Variants in SLCO2B1 observed in about 807,000 individuals in gnomAD.
The protein encoded by SLCO2B1 is solute carrier organic anion transporter family member 2B1.
A neutral mutation model predicts 67.3 loss-of-function variants in SLCO2B1; 41 were observed. The ratio of observed to expected loss-of-function variants is 0.61; its 90% CI spans 0.47 to 0.79. The LOEUF (loss-of-function observed/expected upper bound fraction) is 0.79, where lower values mean the gene tolerates loss of function less well. Among genes scored for constraint, SLCO2B1 ranks in the 30% least tolerant of loss-of-function variants. The pLI is 0.00. For missense variants in SLCO2B1, 837 were observed against 920.1 expected (o/e 0.91, Z 1.17); for synonymous variants, 379 against 381.4 (o/e 0.99, Z 0.07).
rs1379086110 is a variant in SLCO2B1, at chr11:75,193,884, G to A, written c.1433+309G>A. Among the ~76,000 whole-genome samples the A allele has an allele frequency of 2.0e-5, 3 of 152,214 alleles. No individual in the cohort carries two copies. The highest frequency in any genetic ancestry group is 4.4e-5 in the Non-Finnish European group (3 of 68,032). On this transcript the variant is annotated intron_variant, in intron 9 of 13. Transcript: ENST00000289575. This position sits in a 1 kb window ranked among gnomAD's most constrained non-coding sequence, Gnocchi z 4.2. ...GGGATGGCATGTCCAGGGTGACCAA[G>A]CCCTGTGGGCCCAACAGAGATGAGC...
In SLCO2B1 at chr11:75,173,350, A is replaced by T. The variant is rs1329956323; in HGVS notation, c.972+781A>T. Among the ~76,000 whole-genome samples the T allele has an allele frequency of 7.2e-5, 11 of 152,332 alleles. No individual in the cohort carries two copies. The East Asian group carries it at 2.1e-3, about 29-fold the overall frequency. On this transcript the variant is annotated intron_variant, in intron 7 of 13. Coordinates refer to ENST00000289575, the MANE Select transcript of SLCO2B1 (RefSeq NM_007256.5). ...AGAGCAACAGAGATTCTAGGCACAG[A>T]AGCACCCTGCATGAAGGATTTGGCT...
At position 75,175,988 on chromosome 11, in the gene SLCO2B1, G is replaced by C. The variant is rs142961604; in HGVS notation, c.972+3419G>C. Among the ~76,000 whole-genome samples, 913 of 152,208 alleles carry C rather than the reference G, an allele frequency of 6.0e-3. 7 individuals carry two copies. The highest frequency in any genetic ancestry group is 0.02 in the African/African-American group (851 of 41,524). The stretch of plus-strand genomic sequence containing the variant: ...CTTTCTTGCCTTTGGCTCTGTCCCT[G>C]TATCTGCGGCCTCAGAGCTCAGGTG... On this transcript the variant is annotated intron_variant, in intron 7 of 13. Transcript: ENST00000289575.
At chr11:75,176,772 C>T (rs1395491097) in intron 7 of SLCO2B1, among the ~76,000 whole-genome samples, 2 of 152,214 alleles carry the variant, frequency 1.3e-5, no homozygotes, top group Admixed American at 1.3e-4. Context: ...TTCCCTGGGA[C>T]TTTGTGTCTC....
In SLCO2B1 at chr11:75,193,167, T is replaced by A. The variant is rs1296669237; in HGVS notation, c.1076-51T>A. The A allele has an allele frequency of 2.8e-6, 4 of 1,415,402 alleles. No individual in the cohort carries two copies. The highest frequency in any genetic ancestry group is 3.9e-6 in the Non-Finnish European group (4 of 1,025,638). The allele number at this position is 1,415,402 out of a possible 1,614,324, so 87.7% of individuals were successfully genotyped here. ...AGCAGGGCAGGAGGGCAGTCTCTGC[T>A]GGACAGCTTGGCTGCCCTGCCTGCC... On this transcript the variant is annotated intron_variant, in intron 8 of 13. Transcript: ENST00000289575. The surrounding 1 kb of genome is among the most constrained non-coding windows in gnomAD (Gnocchi z 4.2).
chr11:75,170,164 C>T (rs965992162), intron 6 of SLCO2B1, among the ~76,000 whole-genome samples: 2 of 152,144 alleles, frequency 1.3e-5, no homozygotes, highest in African/African-American at 4.8e-5. Flanking sequence ...TAGGGGGAAA[C>T]AAGACTTGAG....
chr11:75,166,213 G>A (rs1488880848), intron 4 of SLCO2B1, among the ~76,000 whole-genome samples: 9 of 152,078 alleles, frequency 5.9e-5, no homozygotes, highest in Non-Finnish European at 1.3e-4. Flanking sequence ...TTTAGGTGGG[G>A]GTGAATTTAC....
chr11:75,153,958 C>T (rs1398436129), intron 1 of SLCO2B1, among the ~76,000 whole-genome samples: 1 of 142,844 alleles, frequency 7.0e-6, no homozygotes. Flanking sequence ...CAGAGTCTTA[C>T]CCCGTCACCC....
chr11:75,202,832 A>T, intron 11 of SLCO2B1, 69 bp from the exon 12 acceptor site: 1 of 1,350,876 alleles, frequency 7.4e-7, no homozygotes, highest in Non-Finnish European at 1.1e-6. Flanking sequence ...GAACCCTTCA[A>T]CGTTGATGCA....
chr11:75,192,375 C>T (rs878884872), intron 8 of SLCO2B1, among the ~76,000 whole-genome samples: 1 of 152,096 alleles, frequency 6.6e-6, no homozygotes, highest in Admixed American at 6.6e-5. Flanking sequence ...GGTAGGGTGA[C>T]AATAAAACAG....
At chr11:75,159,014 T>C (rs1293302579) in intron 1 of SLCO2B1, among the ~76,000 whole-genome samples, 1 of 152,158 alleles carries the variant, frequency 6.6e-6, no homozygotes, top group Non-Finnish European at 1.5e-5. Context: ...CCTTGAAGGG[T>C]GAGTCTCTGA....
intron 9 of SLCO2B1, among the ~76,000 whole-genome samples, chr11:75,194,661 C>T (rs1336584157): frequency 4.6e-5 from 7 of 152,128 alleles, no homozygotes; most frequent in Non-Finnish European, 1.0e-4. Flanking sequence ...GGCACTGCAG[C>T]GGGGGTTTAG....
At chr11:75,198,335 T>C (rs1945132007) in intron 10 of SLCO2B1, among the ~76,000 whole-genome samples, 1 of 152,242 alleles carries the variant, frequency 6.6e-6, no homozygotes, top group Non-Finnish European at 1.5e-5. Context: ...GGAGATATTA[T>C]TAAGTGCCTA....
chr11:75,168,113 A>G (rs932277472), intron 4 of SLCO2B1, among the ~76,000 whole-genome samples: 5 of 152,062 alleles, frequency 3.3e-5, no homozygotes, highest in African/African-American at 1.2e-4. Flanking sequence ...GCCTGGTCTC[A>G]AACTCCTGAT....
At chr11:75,194,938 A>C (rs1175761047) in intron 9 of SLCO2B1, among the ~76,000 whole-genome samples, 3 of 152,184 alleles carry the variant, frequency 2.0e-5, no homozygotes, top group Non-Finnish European at 4.4e-5. Flanking sequence ...TTTGGGACCA[A>C]CTGAGCTAGG....
At chr11:75,156,600 G>T (rs116802260) in intron 1 of SLCO2B1, among the ~76,000 whole-genome samples, 1 of 152,178 alleles carries the variant, frequency 6.6e-6, no homozygotes, top group African/African-American at 2.4e-5. Context: ...AAGGGGTCTG[G>T]ATCCAGACCC....
rs769383351 is a variant in SLCO2B1, at chr11:75,200,182, C to T, written c.1600-42C>T. ...GCAAGCCCTTGGCCAGCTGCCTGCC[C>T]TTGGAGGCTCTTGAAGTCTCTTCCT... On this transcript the variant is annotated intron_variant, in intron 10 of 13. Coordinates refer to ENST00000289575, the MANE Select transcript of SLCO2B1 (RefSeq NM_007256.5). 2.0e-5 allele frequency: 31 copies of T among 1,569,092 alleles called. 1 individual carries two copies. In the South Asian group the frequency reaches 3.7e-4, roughly 19 times the overall value.
At chr11:75,173,399 G>A (rs191615741) in intron 7 of SLCO2B1, among the ~76,000 whole-genome samples, 57 of 152,202 alleles carry the variant, frequency 3.7e-4, no homozygotes, top group African/African-American at 1.2e-3. Context: ...TGGCCCTTTC[G>A]GGGACAGTGA....
chr11:75,202,118 ATAATTT>A (rs1159470275), intron 11 of SLCO2B1: 1 of 152,246 alleles, frequency 6.6e-6, no homozygotes, highest in Non-Finnish European at 1.5e-5. Context: ...TCAGAGCAAG[ATAATTT>A]CCATTTTCCT....
chr11:75,164,590 G>A (rs1949864713), intron 3 of SLCO2B1, among the ~76,000 whole-genome samples: 1 of 152,102 alleles, frequency 6.6e-6, no homozygotes, highest in African/African-American at 2.4e-5. Flanking sequence ...GCAGGGAGGA[G>A]CAGATGAGCT....
Sources: allele counts gnomAD v4.1 joint callset (sites outside exome capture counted in the v4.1 genomes callset), GRCh38; gene constraint gnomAD v4.1.1; non-coding constraint Gnocchi (gnomAD v3.1); transcripts MANE v1.5; gene names NCBI Gene and HGNC (gene_info 2026-07-23, HGNC 2026-07-21).